Variants in GPR158 observed in about 807,000 individuals in gnomAD.
GPR158 encodes metabotropic glycine receptor.
Under a neutral mutation model 78.2 loss-of-function variants are expected in GPR158, and 30 were observed. The ratio of observed to expected loss-of-function variants is 0.38; its 90% CI spans 0.29 to 0.52. GPR158 has a LOEUF of 0.52. Among genes scored for constraint, GPR158 ranks in the 20% least tolerant of loss-of-function variants. The probability of loss-of-function intolerance (pLI) is 0.83; values close to 1 mark genes in which losing one functional copy is unlikely to be tolerated. For synonymous variants in GPR158, 581 were observed against 591.1 expected, an observed-to-expected ratio of 0.98 and a Z score of 0.25; for missense variants, 1,463 against 1,523.5, an observed-to-expected ratio of 0.96 and a Z score of 0.66.
At chr10:25,184,340 G>T (rs944752521) in intron 1 of GPR158, among the ~76,000 whole-genome samples, 3 of 152,160 alleles carry the variant, frequency 2.0e-5, no homozygotes, top group Non-Finnish European at 2.9e-5. Flanking sequence ...ACAGGCACAT[G>T]CCACCATGCC....
chr10:25,369,719 A>G (rs952292012), intron 2 of GPR158, among the ~76,000 whole-genome samples: 2 of 151,512 alleles, frequency 1.3e-5, no homozygotes, highest in Non-Finnish European at 3.0e-5. Context: ...TTTTCTGTTG[A>G]TTGGAATAGT....
At chr10:25,201,101 A>C (rs999697080) in intron 1 of GPR158, among the ~76,000 whole-genome samples, 4 of 151,842 alleles carry the variant, frequency 2.6e-5, no homozygotes, top group Non-Finnish European at 4.4e-5. Context: ...GGGAAGTATG[A>C]CCATTTTAAC....
At chr10:25,493,499 A>T (rs556438483) in intron 5 of GPR158, among the ~76,000 whole-genome samples, 1 of 151,376 alleles carries the variant, frequency 6.6e-6, no homozygotes, top group Non-Finnish European at 1.5e-5. Context: ...AGGGCTTTCT[A>T]AAAAAAAATG....
chr10:25,434,884 T>A (rs978942128), intron 4 of GPR158, among the ~76,000 whole-genome samples: 1 of 152,160 alleles, frequency 6.6e-6, no homozygotes, highest in Admixed American at 6.5e-5. Flanking sequence ...AAAAAGGAAT[T>A]TCATTCATCA....
At chr10:25,452,191 C>A (rs2130602297) in intron 4 of GPR158, among the ~76,000 whole-genome samples, 1 of 145,316 alleles carries the variant, frequency 6.9e-6, no homozygotes, top group South Asian at 2.2e-4. Flanking sequence ...ATGCGTGCCA[C>A]CATGCCCAGA....
At chr10:25,179,630 A>G (rs1852589242) in intron 1 of GPR158, among the ~76,000 whole-genome samples, 1 of 152,162 alleles carries the variant, frequency 6.6e-6, no homozygotes, top group Non-Finnish European at 1.5e-5. Context: ...ATGTTTCAGA[A>G]TGACACAAGT....
intron 4 of GPR158, among the ~76,000 whole-genome samples, chr10:25,439,397 A>C (rs887244835): frequency 6.6e-6 from 1 of 152,160 alleles, no homozygotes; most frequent in Non-Finnish European, 1.5e-5. Context: ...GGTCCCTCCC[A>C]CAATACGTGG....
At chr10:25,215,187 A>C (rs1853191602) in intron 1 of GPR158, among the ~76,000 whole-genome samples, 1 of 152,214 alleles carries the variant, frequency 6.6e-6, no homozygotes, top group Non-Finnish European at 1.5e-5. Context: ...AAGCTTTAAA[A>C]AGGAAGGAAA....
intron 2 of GPR158, among the ~76,000 whole-genome samples, chr10:25,273,556 C>T (rs1295818377): frequency 2.6e-5 from 4 of 152,228 alleles, no homozygotes; most frequent in African/African-American, 9.6e-5. Flanking sequence ...TAATGTACTG[C>T]CAGAAGTCTG....
chr10:25,481,819 C>T (rs1835666965), intron 5 of GPR158, among the ~76,000 whole-genome samples: 1 of 152,132 alleles, frequency 6.6e-6, no homozygotes, highest in Non-Finnish European at 1.5e-5. Context: ...TAGTAGCCAT[C>T]CATATGAGTG....
intron 1 of GPR158, among the ~76,000 whole-genome samples, chr10:25,191,959 T>A (rs1852776665): frequency 6.6e-6 from 1 of 152,174 alleles, no homozygotes; most frequent in Non-Finnish European, 1.5e-5. Flanking sequence ...ACATCCTGTT[T>A]CCCAAAGAGT....
intron 2 of GPR158, chr10:25,244,784 A>G (rs951101053): frequency 2.0e-5 from 3 of 151,950 alleles, no homozygotes; most frequent in African/African-American, 7.3e-5. Flanking sequence ...AGAAGTTTTG[A>G]TACTCCTCAC....
intron 2 of GPR158, chr10:25,393,624 G>A (rs987210277): frequency 3.8e-4 from 58 of 152,144 alleles, no homozygotes; most frequent in African/African-American, 1.3e-3. Flanking sequence ...ATGTTTAGAG[G>A]TTCTAGCAGG....
intron 4 of GPR158, among the ~76,000 whole-genome samples, chr10:25,446,056 TATG>T (rs1387422220): frequency 4.6e-5 from 7 of 152,080 alleles, no homozygotes; most frequent in African/African-American, 1.7e-4. Flanking sequence ...AGAGGAAGGA[TATG>T]AAGAAGAGAG....
At chr10:25,514,707 C>A (rs1259434132) in intron 5 of GPR158, among the ~76,000 whole-genome samples, 1 of 152,066 alleles carries the variant, frequency 6.6e-6, no homozygotes, top group East Asian at 1.9e-4. Flanking sequence ...GTAGTGCTGG[C>A]TTGGTTGTGA....
At chr10:25,286,682 T>C (rs1371772031) in intron 2 of GPR158, among the ~76,000 whole-genome samples, 2 of 152,076 alleles carry the variant, frequency 1.3e-5, no homozygotes, top group Non-Finnish European at 2.9e-5. Context: ...GCCACAGAAG[T>C]AGATAGCTTT....
intron 2 of GPR158, among the ~76,000 whole-genome samples, chr10:25,248,755 T>C (rs1231301317): frequency 2.0e-5 from 3 of 150,672 alleles, no homozygotes; most frequent in African/African-American, 7.3e-5. Context: ...GTGTGATGCC[T>C]CCAGCTTTGT....
At chr10:25,313,642 A>G (rs1298675775) in intron 2 of GPR158, among the ~76,000 whole-genome samples, 2 of 152,172 alleles carry the variant, frequency 1.3e-5, no homozygotes, top group Non-Finnish European at 1.5e-5. Flanking sequence ...TTATTATACT[A>G]ATGGACTCCT....
chr10:25,391,299 T>C (rs534108314), intron 2 of GPR158, among the ~76,000 whole-genome samples: 2 of 152,072 alleles, frequency 1.3e-5, no homozygotes, highest in Non-Finnish European at 2.9e-5. Context: ...ATCCTCCAGA[T>C]CTCAGAATGG....
Sources: allele counts gnomAD v4.1 joint callset (sites outside exome capture counted in the v4.1 genomes callset), GRCh38; gene constraint gnomAD v4.1.1; transcripts MANE v1.5; gene names NCBI Gene and HGNC (gene_info 2026-07-23, HGNC 2026-07-21).